The following TEP1 variants were observed in gnomAD, a reference collection of about 807,000 sequenced individuals.
TEP1 encodes telomerase protein component 1.
A neutral mutation model predicts 306.3 loss-of-function variants in TEP1; 241 were observed. That is an observed-to-expected ratio of 0.79 (90% confidence interval 0.71 to 0.88). TEP1 has a LOEUF of 0.88. Among genes scored for constraint, TEP1 ranks in the 40% least tolerant of loss-of-function variants. The probability of loss-of-function intolerance (pLI) is 0.00; values close to 1 mark genes in which losing one functional copy is unlikely to be tolerated. For synonymous variants in TEP1, 1,289 were observed against 1,305.5 expected, an observed-to-expected ratio of 0.99 and a Z score of 0.27; for missense variants, 3,051 against 3,276.1, an observed-to-expected ratio of 0.93 and a Z score of 1.68.
chr14:20,377,230 G>T, intron 41 of TEP1, 50 bp downstream of exon 41: 2 of 1,269,254 alleles, frequency 1.6e-6, no homozygotes, highest in Non-Finnish European at 2.2e-6. Context: ...AAAAAAAAAA[G>T]AAAAGAAAAG....
intron 12 of TEP1, among the ~76,000 whole-genome samples, chr14:20,391,977 C>G (rs1024294957): frequency 6.6e-6 from 1 of 152,176 alleles, no homozygotes; most frequent in African/African-American, 2.4e-5. Flanking sequence ...CTAATCCACA[C>G]TCATGGTAGG....
intron 42 of TEP1, 25 bp from the exon 43 acceptor site, chr14:20,375,893 G>C (rs372203753): frequency 5.1e-6 from 8 of 1,578,852 alleles, no homozygotes; most frequent in African/African-American, 1.3e-5. Flanking sequence ...AGGAGAGGGA[G>C]CAATCAGGAC....
Position 20,406,298 on chromosome 14 carries a change from T to C in TEP1, c.670A>G (p.Lys224Glu). 2 of 1,614,098 alleles carry C rather than the reference T, an allele frequency of 1.2e-6. No homozygotes were observed. The highest frequency in any genetic ancestry group is 1.7e-6 in the Non-Finnish European group (2 of 1,180,006). ...EEEEVEDLAV[K>E]LTSGDSESHP... Reference sequence around the variant, plus strand: ...GATTCAGAGTCTCCAGAGGTGAGCTTCACGGCCAGATCCTCCACCTCCTCC... The same window carrying C: ...GATTCAGAGTCTCCAGAGGTGAGCTCCACGGCCAGATCCTCCACCTCCTCC... Residue 224 changes from lysine (K) to glutamate (E), a missense_variant, in exon 3 of 55, where the codon AAG becomes GAG. Physicochemically the swap from Lys to Glu is moderately conservative, Grantham distance 56. Coordinates refer to ENST00000262715, the MANE Select transcript of TEP1 (RefSeq NM_007110.5).
At chr14:20,380,161 T>G in intron 34 of TEP1, 74 bp downstream of exon 34, 2 of 1,584,158 alleles carry the variant, frequency 1.3e-6, no homozygotes, top group East Asian at 2.2e-5. Flanking sequence ...CTGGTCATCC[T>G]TATTCCTCAG....
At position 20,380,301 on chromosome 14, in the gene TEP1, C is replaced by T. The variant is rs752650770; in HGVS notation, c.4937G>A (p.Arg1646Gln). The T allele has an allele frequency of 6.8e-5, 109 of 1,613,966 alleles. No homozygotes were observed. The highest frequency in any genetic ancestry group is 2.0e-4 in the South Asian group (18 of 91,078). The stretch of plus-strand genomic sequence containing the variant: ...TAGTGTGTGTTGGAGGTGCCATCTC[C>T]GGGAGAGCAGCGAGGCTTGGTGGCA... ...PLCHQASLLSRRWHLQHTLRW... is the reference protein window; with the variant it reads ...PLCHQASLLSQRWHLQHTLRW... The change falls in exon 34 of 55, where the codon CGG (arginine) becomes CAG (glutamine). Residue 1646 changes from arginine to glutamine, a missense_variant. Coordinates refer to ENST00000262715, the MANE Select transcript of TEP1 (RefSeq NM_007110.5).
At chr14:20,386,232 G>C in intron 19 of TEP1, 37 bp from the exon 20 acceptor site, 1 of 1,613,216 alleles carries the variant, frequency 6.2e-7, no homozygotes, top group South Asian at 1.1e-5. Flanking sequence ...GGGAGTCACT[G>C]GGGGCATGGT....
intron 1 of TEP1, among the ~76,000 whole-genome samples, chr14:20,412,631 T>C (rs937842642): frequency 6.6e-5 from 10 of 151,864 alleles, no homozygotes; most frequent in African/African-American, 2.4e-4. Context: ...ACTTAGTATA[T>C]CTCAGAGACC....
chr14:20,371,180 C>A, intron 51 of TEP1, 38 bp downstream of exon 51: 2 of 1,569,384 alleles, frequency 1.3e-6, no homozygotes, highest in South Asian at 1.1e-5. Context: ...TGGTCCTAGA[C>A]GAATGTTTGC....
chr14:20,388,577 C>T (rs1877411911), intron 17 of TEP1, among the ~76,000 whole-genome samples: 1 of 152,226 alleles, frequency 6.6e-6, no homozygotes, highest in African/African-American at 2.4e-5. Flanking sequence ...ACATAATTTT[C>T]TCTGGATCAA....
In TEP1 at chr14:20,395,934, T is replaced by C. The variant is rs1268134223; in HGVS notation, c.1675A>G (p.Ser559Gly). ...AGAAATCTGAATGGAAACTGCCGAC[T>C]GTGGATCACCGACTTCTAGAAAGCA... is the stretch of plus-strand genomic sequence containing the variant. ...RLQHAKSVIH[S>G]RQFPFRFLNA... The change falls in exon 11 of 55, where the codon AGT (serine) becomes GGT (glycine). Residue 559 changes from serine to glycine, a missense_variant. By Grantham distance (56) the Ser-to-Gly change is moderately conservative (BLOSUM62 0). Transcript: ENST00000262715. 1 of 1,614,102 alleles carries C rather than the reference T, an allele frequency of 6.2e-7. No individual in the cohort carries two copies. Among genetic ancestry groups the C allele is most frequent in the Admixed American group, 1.7e-5 (1 of 60,018 alleles).
chr14:20,391,064 C>T lies in TEP1; in HGVS notation c.2130G>A (p.Gly710=). The T allele has an allele frequency of 6.2e-7, 1 of 1,614,138 alleles. No homozygotes were observed. Among genetic ancestry groups the T allele is most frequent in the East Asian group, 2.2e-5 (1 of 44,878 alleles). Residue 710 remains glycine (G), a synonymous_variant, in exon 14 of 55, where the codon GGG becomes GGA. Coordinates refer to ENST00000262715, the MANE Select transcript of TEP1 (RefSeq NM_007110.5). ...PPLNYALLLI[G]MMITRAEQVD... Reference sequence around the variant, plus strand: ...CCTGCTCCGCCCTCGTGATCATCATCCCAATCAACAGCAGTGCATAGTTCA... The same window carrying T: ...CCTGCTCCGCCCTCGTGATCATCATTCCAATCAACAGCAGTGCATAGTTCA...
chr14:20,374,404 A>C (rs1170612302), intron 44 of TEP1, 25 bp downstream of exon 44: 1 of 1,558,482 alleles, frequency 6.4e-7, no homozygotes, highest in East Asian at 2.2e-5. Flanking sequence ...GAGACCCCCC[A>C]GTGGGATCTC....
At chr14:20,391,451 C>A (rs1408941334) in intron 13 of TEP1, 148 bp downstream of exon 13, 2 of 945,458 alleles carry the variant, frequency 2.1e-6, no homozygotes, top group Non-Finnish European at 3.2e-6. Context: ...CCCTAGGAAC[C>A]AAGGACTGAT....
At chr14:20,393,241 A>C (rs1235455477) in intron 12 of TEP1, among the ~76,000 whole-genome samples, 3 of 152,086 alleles carry the variant, frequency 2.0e-5, no homozygotes, top group African/African-American at 4.8e-5. Flanking sequence ...AAGAAAAAAA[A>C]GAAAATGTAA....
Position 20,406,294 on chromosome 14 carries a change from AGCTTCACG to A in TEP1, c.666_673del (p.Val223HisfsTer6). On this transcript the variant is annotated frameshift_variant, in exon 3 of 55. Coordinates refer to ENST00000262715, the MANE Select transcript of TEP1 (RefSeq NM_007110.5). LOFTEE classifies it high-confidence loss of function. ...ATGAGATTCAGAGTCTCCAGAGGTGAGCTTCACGGCCAGATCCTCCACCTCCTCCTCCT... is the reference window on the plus strand; with the variant it reads ...ATGAGATTCAGAGTCTCCAGAGGTGAGCCAGATCCTCCACCTCCTCCTCCT... The A allele has an allele frequency of 6.2e-6, 10 of 1,614,086 alleles. No homozygotes were observed. Among genetic ancestry groups the A allele is most frequent in the Non-Finnish European group, 8.5e-6 (10 of 1,180,018 alleles).
chr14:20,408,214 A>C lies in TEP1; in HGVS notation c.226T>G (p.Ser76Ala), dbSNP rs2139206003. The C allele has an allele frequency of 6.2e-7, 1 of 1,613,484 alleles. No homozygotes were observed. Among genetic ancestry groups the C allele is most frequent in the African/African-American group, 1.3e-5 (1 of 74,934 alleles). ...GTGGCCAGGCACTGGTTCTCCAAGG[A>C]GAGGATGTCTGGGTGGGCAGACACA... ...GYVSAHPDIL[S>A]LENQCLATLS... is the part of the protein sequence containing the mutation. Residue 76 changes from serine to alanine, a missense_variant, in exon 2 of 55, where the codon TCC becomes GCC. Physicochemically the swap from Ser to Ala is moderately conservative, Grantham distance 99. Transcript: ENST00000262715.
rs989086333 is a variant in TEP1 at position 20,382,234 on chromosome 14, G to A, written c.4263C>T (p.Val1421=). The change falls in exon 29 of 55, where the codon GTC becomes GTT. Residue 1421 remains valine (V), a synonymous_variant. Coordinates refer to ENST00000262715, the MANE Select transcript of TEP1 (RefSeq NM_007110.5). Reference sequence around the variant, plus strand: ...ACCCCAAGCACTGACCACTCCGTGTGACTTCTAGGGCAGTCAAGGCCTGGG... The same window carrying A: ...ACCCCAAGCACTGACCACTCCGTGTAACTTCTAGGGCAGTCAAGGCCTGGG... ...VLPQALTALE[V]TRSGLTVDQL... is the part of the protein sequence containing the mutation. 2.5e-6 allele frequency: 4 copies of A among 1,614,008 alleles called. No homozygotes were observed. In the African/African-American group the frequency reaches 4.0e-5, roughly 16 times the overall value.
chr14:20,372,790 T>C lies in TEP1; in HGVS notation c.7019A>G (p.Glu2340Gly). The C allele has an allele frequency of 1.2e-6, 2 of 1,614,150 alleles. No individual in the cohort carries two copies. Among genetic ancestry groups the C allele is most frequent in the Non-Finnish European group, 1.7e-6 (2 of 1,180,030 alleles). Residue 2340 changes from glutamate (E) to glycine (G), a missense_variant, in exon 49 of 55, where the codon GAG becomes GGG. Glu to Gly is a moderately conservative substitution (Grantham distance 98). This residue lies in a region of TEP1 where 1,540 missense variants were observed against 1,705.9 expected (regional missense o/e 0.90). Coordinates refer to ENST00000262715, the MANE Select transcript of TEP1 (RefSeq NM_007110.5). The stretch of plus-strand genomic sequence containing the variant: ...TTTCACTTGCCACTCGCTGATTTTC[T>C]CATCAGCACTGAGGACAAAAAAGGT... Reference protein sequence around the residue: ...AHTFFVLSADEKISEWQVKLR... With the variant: ...AHTFFVLSADGKISEWQVKLR...
chr14:20,386,724 T>G, intron 18 of TEP1, 101 bp from the exon 19 acceptor site: 1 of 1,294,020 alleles, frequency 7.7e-7, no homozygotes, highest in Admixed American at 3.4e-5. Flanking sequence ...ACAAGCCAGG[T>G]ACGACAGACA....
Sources: allele counts gnomAD v4.1 joint callset (sites outside exome capture counted in the v4.1 genomes callset), GRCh38; gene constraint gnomAD v4.1.1; regional missense constraint gnomAD v4.1.1; transcripts MANE v1.5; gene names NCBI Gene and HGNC (gene_info 2026-07-23, HGNC 2026-07-21).